Variants in ZNF487 observed in about 807,000 individuals in gnomAD.
ZNF487 encodes zinc finger protein 487.
Under a neutral mutation model 3.0 loss-of-function variants are expected in ZNF487, and 4 were observed. The observed-to-expected ratio is 1.35, with a 90% CI of 0.66 to 3.08. The LOEUF (loss-of-function observed/expected upper bound fraction) is 3.08, where lower values mean the gene tolerates loss of function less well. Among genes scored for constraint, ZNF487 ranks in the 30% most tolerant of loss-of-function variants. The probability of loss-of-function intolerance (pLI) is 0.01; values close to 1 mark genes in which losing one functional copy is unlikely to be tolerated. For synonymous variants in ZNF487, 55 were observed against 34.6 expected, an observed-to-expected ratio of 1.59 and a Z score of -2.06; for missense variants, 146 against 98.7, an observed-to-expected ratio of 1.48 and a Z score of -2.03.
the ZNF487 span, among the ~76,000 whole-genome samples, chr10:43,506,390 G>T: frequency 6.6e-6 from 1 of 152,136 alleles, no homozygotes; most frequent in African/African-American, 2.4e-5. Context: ...TGTAGTCCCA[G>T]CTACTTGGGA....
chr10:43,447,127 G>A (rs1240144656), intron 1 of ZNF487, among the ~76,000 whole-genome samples: 1 of 152,120 alleles, frequency 6.6e-6, no homozygotes, highest in African/African-American at 2.4e-5. Context: ...GCAGTGAGCC[G>A]AAATCGAGGC....
intron 1 of ZNF487, among the ~76,000 whole-genome samples, 193 bp from the exon 2 acceptor site, chr10:43,475,528 A>G (rs1421001267): frequency 6.6e-6 from 1 of 152,038 alleles, no homozygotes; most frequent in Admixed American, 6.6e-5. Flanking sequence ...AAAAAAAAAA[A>G]TTAATATACC....
the ZNF487 span, among the ~76,000 whole-genome samples, chr10:43,514,293 A>G: frequency 1.3e-5 from 2 of 152,060 alleles, no homozygotes; most frequent in South Asian, 4.1e-4. Flanking sequence ...GGTTTGTGCC[A>G]CCATGCCTGG....
intron 1 of ZNF487, among the ~76,000 whole-genome samples, chr10:43,449,798 G>A (rs1839943032): frequency 6.6e-6 from 1 of 151,332 alleles, no homozygotes; most frequent in African/African-American, 2.4e-5. Context: ...TCCTGCCTCA[G>A]CCTCCCAAGT....
chr10:43,506,640 GCT>G, the ZNF487 span, among the ~76,000 whole-genome samples: 1 of 152,136 alleles, frequency 6.6e-6, no homozygotes, highest in African/African-American at 2.4e-5. Context: ...GGGGAATAAA[GCT>G]CTCTTGATAG....
At chr10:43,496,007 C>T in the ZNF487 span, 1 of 531,328 alleles carries the variant, frequency 1.9e-6, no homozygotes. Flanking sequence ...CACAGATGTA[C>T]TTTTTCAGGG....
chr10:43,519,457 C>A, the ZNF487 span, among the ~76,000 whole-genome samples: 1 of 151,860 alleles, frequency 6.6e-6, no homozygotes, highest in East Asian at 1.9e-4. Flanking sequence ...TTACCTAACA[C>A]CTAAAATGTA....
chr10:43,510,703 A>C, the ZNF487 span, among the ~76,000 whole-genome samples: 1 of 152,082 alleles, frequency 6.6e-6, no homozygotes, highest in Non-Finnish European at 1.5e-5. Context: ...ACATGCCACC[A>C]TGCCTGGCTA....
chr10:43,453,789 A>G (rs1360976650), intron 1 of ZNF487: 1 of 152,168 alleles, frequency 6.6e-6, no homozygotes, highest in Non-Finnish European at 1.5e-5. Flanking sequence ...CACAGTTAAT[A>G]TACTGTGTAC....
the ZNF487 span, among the ~76,000 whole-genome samples, chr10:43,520,016 T>C: frequency 7.9e-5 from 12 of 152,210 alleles, no homozygotes; most frequent in Non-Finnish European, 1.5e-5. Context: ...AAAGTCTTAT[T>C]GCTGTTGTTC....
chr10:43,509,952 A>G, the ZNF487 span, among the ~76,000 whole-genome samples: 3 of 152,226 alleles, frequency 2.0e-5, no homozygotes, highest in Admixed American at 2.0e-4. Flanking sequence ...AAAGACAATA[A>G]TAAGGTCATA....
chr10:43,462,686 C>G (rs1448829221), intron 1 of ZNF487, among the ~76,000 whole-genome samples: 1 of 151,848 alleles, frequency 6.6e-6, no homozygotes, highest in Non-Finnish European at 1.5e-5. Flanking sequence ...GATCTCTTGA[C>G]CTCGTGATCC....
At chr10:43,505,855 C>G in the ZNF487 span, among the ~76,000 whole-genome samples, 1 of 152,208 alleles carries the variant, frequency 6.6e-6, no homozygotes, top group South Asian at 2.1e-4. Flanking sequence ...GTTGGCCAGG[C>G]TGGTCTTGAA....
At chr10:43,457,557 GGAAAAAAAA>G (rs1240269415) in intron 1 of ZNF487, among the ~76,000 whole-genome samples, 10 of 103,346 alleles carry the variant, frequency 9.7e-5, no homozygotes, top group Non-Finnish European at 2.2e-4. Flanking sequence ...TCTGTCTTGG[GGAAAAAAAA>G]AAAAAAAAAA....
the ZNF487 span, among the ~76,000 whole-genome samples, chr10:43,498,347 C>T: frequency 3.4e-5 from 5 of 145,422 alleles, no homozygotes; most frequent in African/African-American, 5.1e-5. Flanking sequence ...GGCATGATCT[C>T]GGCTCACTGC....
chr10:43,484,805 A>G (rs1404415348), downstream of ZNF487, among the ~76,000 whole-genome samples: 1 of 152,222 alleles, frequency 6.6e-6, no homozygotes, highest in Admixed American at 6.5e-5. Flanking sequence ...GATAAACAGC[A>G]CAACATGAGT....
chr10:43,499,874 A>G, the ZNF487 span, among the ~76,000 whole-genome samples: 1 of 151,964 alleles, frequency 6.6e-6, no homozygotes, highest in South Asian at 2.1e-4. Flanking sequence ...AGCACCAGTC[A>G]TCTATTTCAT....
the ZNF487 span, among the ~76,000 whole-genome samples, chr10:43,491,322 A>G: frequency 6.6e-6 from 1 of 151,442 alleles, no homozygotes. Flanking sequence ...TGCTAATTTT[A>G]TTGTTGTTTC....
intron 1 of ZNF487, among the ~76,000 whole-genome samples, chr10:43,440,445 T>G (rs1444158553): frequency 3.3e-5 from 5 of 151,954 alleles, no homozygotes; most frequent in Non-Finnish European, 7.4e-5. Flanking sequence ...TCACCTGAGA[T>G]CAGCAGTTTG....
Sources: gnomAD v4.1 joint callset for allele counts (sites outside exome capture counted in the v4.1 genomes callset) on GRCh38, gnomAD v4.1.1 for gene constraint, MANE v1.5 for transcripts, NCBI Gene and HGNC (gene_info 2026-07-23, HGNC 2026-07-21) for gene names.